Variants in DRC11L observed in about 807,000 individuals in gnomAD.
DRC11L encodes dynein regulatory complex subunit like-11.
At chr7:151,198,521 G>C in the DRC11L span, among the ~76,000 whole-genome samples, 1 of 152,152 alleles carries the variant, frequency 6.6e-6, no homozygotes, top group Admixed American at 6.5e-5. Flanking sequence ...AGATCACTCA[G>C]GGGGCATCCA....
At chr7:151,194,935 CTCT>C in the DRC11L span, among the ~76,000 whole-genome samples, 1 of 152,154 alleles carries the variant, frequency 6.6e-6, no homozygotes, top group Admixed American at 6.5e-5. Flanking sequence ...AAGCATTGCC[CTCT>C]TCTTAGAAAC....
the DRC11L span, among the ~76,000 whole-genome samples, chr7:151,198,525 G>A: frequency 6.6e-6 from 1 of 152,152 alleles, no homozygotes; most frequent in African/African-American, 2.4e-5. Context: ...CACTCAGGGG[G>A]CATCCATGGG....
At chr7:151,193,454 C>T in the DRC11L span, 25 of 399,158 alleles carry the variant, frequency 6.3e-5, no homozygotes, top group Admixed American at 3.5e-4. Context: ...GAGGATGGAG[C>T]GGATGAGTGG....
the DRC11L span, chr7:151,192,350 G>A: frequency 2.5e-6 from 1 of 399,288 alleles, no homozygotes; most frequent in Non-Finnish European, 4.4e-6. Context: ...CCGCATCTCG[G>A]CCAGCTGTGG....
the DRC11L span, chr7:151,193,287 G>A: frequency 2.3e-5 from 9 of 399,344 alleles, no homozygotes; most frequent in East Asian, 1.1e-4. Context: ...TGGGGGCTCC[G>A]GACCTTAAAG....
chr7:151,200,505 C>T, the DRC11L span: 1 of 399,316 alleles, frequency 2.5e-6, no homozygotes. Context: ...ACACAGTCTC[C>T]ACCCTGCAGC....
the DRC11L span, chr7:151,192,665 G>A: frequency 2.5e-6 from 1 of 399,030 alleles, no homozygotes; most frequent in Non-Finnish European, 4.4e-6. Flanking sequence ...TGGAGCGACT[G>A]GAACAAGCCC....
the DRC11L span, among the ~76,000 whole-genome samples, chr7:151,193,646 A>G: frequency 6.6e-6 from 1 of 152,200 alleles, no homozygotes; most frequent in Non-Finnish European, 1.5e-5. Flanking sequence ...CAGGTCCCCT[A>G]GTCCACTAGG....
the DRC11L span, chr7:151,193,156 T>C: frequency 7.5e-6 from 3 of 397,884 alleles, no homozygotes; most frequent in Non-Finnish European, 1.3e-5. Flanking sequence ...CCTAGCCCGG[T>C]TGGTAGGGAG....
chr7:151,192,051 G>A, the DRC11L span, among the ~76,000 whole-genome samples: 1 of 152,190 alleles, frequency 6.6e-6, no homozygotes, highest in Admixed American at 6.5e-5. Context: ...CTAGGCAAGG[G>A]TCATCCTCCC....
chr7:151,200,966 C>A, the DRC11L span, among the ~76,000 whole-genome samples: 6 of 152,194 alleles, frequency 3.9e-5, no homozygotes, highest in Admixed American at 1.3e-4. Context: ...CTCTTTCTCC[C>A]AGGCCCAAGA....
At chr7:151,191,119 C>T in the DRC11L span, 2 of 399,238 alleles carry the variant, frequency 5.0e-6, no homozygotes, top group African/African-American at 4.1e-5. Flanking sequence ...TGGTAAGGCC[C>T]TCAGACCCAT....
chr7:151,192,731 A>G, the DRC11L span: 2 of 399,098 alleles, frequency 5.0e-6, no homozygotes, highest in Non-Finnish European at 4.4e-6. Flanking sequence ...CTTCACATCC[A>G]TGCTCCCTCA....
At chr7:151,199,445 A>AGGCCCG in the DRC11L span, among the ~76,000 whole-genome samples, 1 of 152,194 alleles carries the variant, frequency 6.6e-6, no homozygotes, top group South Asian at 2.1e-4. The surrounding 1 kb of genome is among the most constrained non-coding windows in gnomAD (Gnocchi z 5.2). Context: ...CACTGTTGAT[A>AGGCCCG]GGCCCGGGCG....
the DRC11L span, chr7:151,203,182 G>T: frequency 1.0e-5 from 4 of 398,492 alleles, no homozygotes; most frequent in Admixed American, 4.4e-5. Context: ...GCCATCAAAG[G>T]ATGCACCAGG....
At chr7:151,193,346 A>G in the DRC11L span, 1 of 399,750 alleles carries the variant, frequency 2.5e-6, no homozygotes, top group East Asian at 3.6e-5. Flanking sequence ...ATATTTGCCC[A>G]GCAGGTTTTC....
At chr7:151,195,119 A>G in the DRC11L span, among the ~76,000 whole-genome samples, 1 of 152,202 alleles carries the variant, frequency 6.6e-6, no homozygotes, top group Non-Finnish European at 1.5e-5. Flanking sequence ...TGGCAGAGAC[A>G]GAGCTGGTTA....
chr7:151,204,483 G>T, the DRC11L span: 1 of 398,960 alleles, frequency 2.5e-6, no homozygotes, highest in East Asian at 3.6e-5. Flanking sequence ...GGCTGGGGGC[G>T]TGGCTTCGCG....
At chr7:151,191,053 CTCT>C in the DRC11L span, 1 of 399,536 alleles carries the variant, frequency 2.5e-6, no homozygotes, top group Non-Finnish European at 4.4e-6. Context: ...GTGTTTCATG[CTCT>C]TCTTGCCCAG....
Sources: gnomAD v4.1 joint callset for allele counts (sites outside exome capture counted in the v4.1 genomes callset) on GRCh38, gnomAD v4.1.1 for gene constraint, Gnocchi (gnomAD v3.1) non-coding constraint, MANE v1.5 for transcripts, NCBI Gene and HGNC (gene_info 2026-07-23, HGNC 2026-07-21) for gene names.